Variants in TTN observed in about 807,000 individuals in gnomAD.
The protein encoded by TTN is connectin.
TTN carries 1,525 observed loss-of-function variants against 3,223.0 expected under a neutral mutation model. The ratio of observed to expected loss-of-function variants is 0.47; its 90% CI spans 0.45 to 0.49. The LOEUF (loss-of-function observed/expected upper bound fraction) is 0.49, where lower values mean the gene tolerates loss of function less well. Ranked by LOEUF, TTN falls within the 20% of genes least tolerant of loss-of-function variation. TTN has a pLI of 0.00. For synonymous variants in TTN, 14,094 were observed against 15,161.0 expected, an observed-to-expected ratio of 0.93 and a Z score of 5.17; for missense variants, 40,786 against 43,424.0, an observed-to-expected ratio of 0.94 and a Z score of 5.40.
chr2:178,709,033 A>G (rs2076271111), intron 99 of TTN, among the ~76,000 whole-genome samples: 2 of 152,146 alleles, frequency 1.3e-5, no homozygotes, highest in Admixed American at 1.3e-4. Context: ...TTTTCTACCC[A>G]TTATTTTTCT....
rs527806107 is a variant in TTN at position 178,539,734 on chromosome 2, C to T, written c.98331G>A (p.Leu32777=). The T allele has an allele frequency of 2.5e-6, 4 of 1,613,800 alleles. No homozygotes were observed. The highest frequency in any genetic ancestry group is 2.5e-6 in the Non-Finnish European group (3 of 1,179,782). The stretch of plus-strand genomic sequence containing the variant: ...CAGCCTTCTTGCCACATTTATTTTC[C>T]AGAACCAGGTCATAAGTGCCAGAAT... ...RGDSGTYDLV[L]ENKCGKKAVY... is the part of the protein sequence containing the mutation. The change falls in exon 352 of 363, where the codon CTG becomes CTA. Residue 32777 remains leucine, a synonymous_variant. Transcript: ENST00000589042.
intron 13 of TTN, among the ~76,000 whole-genome samples, chr2:178,787,048 T>C (rs2093234213): frequency 1.3e-5 from 2 of 152,178 alleles, no homozygotes; most frequent in South Asian, 4.1e-4. Flanking sequence ...AAAAATCACA[T>C]AGCCATGTTC....
intron 10 of TTN, among the ~76,000 whole-genome samples, 184 bp downstream of exon 10, chr2:178,791,888 G>A (rs543895950): frequency 6.6e-6 from 1 of 152,166 alleles, no homozygotes; most frequent in East Asian, 1.9e-4. Context: ...TCAAGTGAGT[G>A]GAAAATAGTG....
At chr2:178,794,656 T>C (rs1020983803) in intron 7 of TTN, 105 bp from the exon 8 acceptor site, 4 of 1,351,584 alleles carry the variant, frequency 3.0e-6, no homozygotes, top group African/African-American at 2.9e-5. Flanking sequence ...AATACACTCA[T>C]ACATAAGCAT....
rs794729403 is a variant in TTN, at chr2:178,702,212, C to G, written c.30467G>C (p.Arg10156Thr). The G allele has an allele frequency of 1.2e-6, 2 of 1,613,978 alleles. No individual in the cohort carries two copies. The highest frequency in any genetic ancestry group is 1.7e-6 in the Non-Finnish European group (2 of 1,179,888). The change falls in exon 108 of 363, where the codon AGA becomes ACA. Residue 10156 changes from arginine (R) to threonine (T), a missense_variant. Transcript: ENST00000589042. ...CTCTGCCGTGCTTCTTGCTTCACCTCTTGGCTCCAGCCGAGCGATGACCGA... is the reference window on the plus strand; with the variant it reads ...CTCTGCCGTGCTTCTTGCTTCACCTGTTGGCTCCAGCCGAGCGATGACCGA... ...VYSVIARLEP[R>T]GEARSTAELY...
chr2:178,601,256 A>T lies in TTN; in HGVS notation c.55732+9T>A, dbSNP rs370610904. ...AGAAGATATTTTAAATTTAGATTTTAAAGCTTACATATCGGATCTCTGGCA... is the reference window on the plus strand; with the variant it reads ...AGAAGATATTTTAAATTTAGATTTTTAAGCTTACATATCGGATCTCTGGCA... On this transcript the variant is annotated intron_variant, in intron 287 of 362. Coordinates refer to ENST00000589042, the MANE Select transcript of TTN (RefSeq NM_001267550.2). The T allele has an allele frequency of 3.3e-6, 5 of 1,527,668 alleles. No individual in the cohort carries two copies. In the South Asian group the frequency reaches 6.7e-5, roughly 20 times the overall value. 94.6% of individuals were successfully genotyped at this position (1,527,668 alleles called of 1,614,324 possible).
rs779165086 is a variant in TTN, at chr2:178,587,232, C to T, written c.63979G>A (p.Val21327Ile). ...TPEVKKTSFH[V>I]TNLVPGNEYY... is the part of the protein sequence containing the mutation. ...TCATTCCCAGGGACAAGATTGGTTA[C>T]ATGGAAGCTTGTTTTCTTAACTTCT... The change falls in exon 307 of 363, where the codon GTA becomes ATA. Residue 21327 changes from valine (V) to isoleucine (I), a missense_variant. Physicochemically the swap from Val to Ile is conservative, Grantham distance 29. Coordinates refer to ENST00000589042, the MANE Select transcript of TTN (RefSeq NM_001267550.2). The T allele has an allele frequency of 2.5e-6, 4 of 1,613,192 alleles. No homozygotes were observed. In the South Asian group the frequency reaches 4.4e-5, roughly 18 times the overall value.
chr2:178,758,831 G>T, intron 44 of TTN, 153 bp downstream of exon 44: 3 of 796,758 alleles, frequency 3.8e-6, no homozygotes, highest in East Asian at 5.3e-5. Flanking sequence ...AAGGAGAGGC[G>T]AGACCATGGC....
Position 178,609,549 on chromosome 2 carries a change from C to T in TTN, c.51761G>A (p.Arg17254Lys), listed in dbSNP as rs370986897. ...DPIDAPKVIL[R>K]TSLEVKRGDE... Reference sequence around the variant, plus strand: ...ACCTCGTTTCACTTCTAGGCTTGTTCTCAGAATGACTTTGGGGGCATCTAT... The same window carrying T: ...ACCTCGTTTCACTTCTAGGCTTGTTTTCAGAATGACTTTGGGGGCATCTAT... The change falls in exon 273 of 363, where the codon AGA becomes AAA. Residue 17254 changes from arginine (R) to lysine (K), a missense_variant. Arg to Lys is a conservative substitution (Grantham distance 26). Coordinates refer to ENST00000589042, the MANE Select transcript of TTN (RefSeq NM_001267550.2). 1 of 1,608,894 alleles carries T rather than the reference C, an allele frequency of 6.2e-7. No homozygotes were observed. Among genetic ancestry groups the T allele is most frequent in the Non-Finnish European group, 8.5e-7 (1 of 1,177,008 alleles).
intron 316 of TTN, 111 bp from the exon 317 acceptor site, chr2:178,580,720 G>A: frequency 9.1e-7 from 1 of 1,104,324 alleles, no homozygotes; most frequent in South Asian, 1.5e-5. Flanking sequence ...CTGATTTCTT[G>A]TTCTTTAAAA....
At position 178,669,416 on chromosome 2, in the gene TTN, T is replaced by G; in HGVS notation, c.35502A>C (p.Glu11834Asp). 1 of 1,524,398 alleles carries G rather than the reference T, an allele frequency of 6.6e-7. No individual in the cohort carries two copies. Among genetic ancestry groups the G allele is most frequent in the Non-Finnish European group, 8.7e-7 (1 of 1,148,292 alleles). The allele number at this position is 1,524,398 out of a possible 1,614,324, so 94.4% of individuals were successfully genotyped here. Residue 11834 changes from glutamate to aspartate, a missense_variant, in exon 159 of 363, where the codon GAA becomes GAC. By Grantham distance (45) the Glu-to-Asp change is conservative. Coordinates refer to ENST00000589042, the MANE Select transcript of TTN (RefSeq NM_001267550.2). Reference sequence around the variant, plus strand: ...CAGAAATAACAATAGGTGATTTTTCTTCTTGAACACTTTTCTTAGGCATCC... The same window carrying G: ...CAGAAATAACAATAGGTGATTTTTCGTCTTGAACACTTTTCTTAGGCATCC... ...VPGMPKKSVQ[E>D]EKSPIVISED...
Position 178,584,473 on chromosome 2 carries a change from C to T in TTN, c.65078G>A (p.Gly21693Asp). 1 of 1,613,234 alleles carries T rather than the reference C, an allele frequency of 6.2e-7. No individual in the cohort carries two copies. The highest frequency in any genetic ancestry group is 8.5e-7 in the Non-Finnish European group (1 of 1,179,530). ...TCTTTCCTTGCGTTCAATCAGATAACCAATAATGGGGCTCCCTCCATCACT... is the reference window on the plus strand; with the variant it reads ...TCTTTCCTTGCGTTCAATCAGATAATCAATAATGGGGCTCCCTCCATCACT... The part of the protein sequence containing the change: ...PDSDGGSPII[G>D]YLIERKERNS... The change falls in exon 311 of 363, where the codon GGT becomes GAT. Residue 21693 changes from glycine to aspartate, a missense_variant. Physicochemically the swap from Gly to Asp is moderately conservative, Grantham distance 94. Transcript: ENST00000589042.
At chr2:178,583,346 C>A in intron 312 of TTN, 119 bp from the exon 313 acceptor site, 8 of 1,068,456 alleles carry the variant, frequency 7.5e-6, no homozygotes, top group Non-Finnish European at 1.0e-5. Flanking sequence ...AGTGTTATTT[C>A]ATTTTGTTTA....
In TTN at chr2:178,740,591, T is replaced by C; in HGVS notation, c.12642A>G (p.Pro4214=). Residue 4214 remains proline, a synonymous_variant, in exon 48 of 363, where the codon CCA becomes CCG. Transcript: ENST00000589042. ...GCATTGGAGGTTCTATTGAAGACTG[T>C]GGATAATTCCCTTCAGGTTCAGCTA... is the stretch of plus-strand genomic sequence containing the variant. ...TLLAEPEGNY[P]QSSIEPPMHS... 6.2e-7 allele frequency: 1 copy of C among 1,613,862 alleles called. No homozygotes were observed. The highest frequency in any genetic ancestry group is 1.3e-5 in the African/African-American group (1 of 75,028).
chr2:178,665,597 G>C, intron 164 of TTN, 111 bp downstream of exon 164: 1 of 1,256,766 alleles, frequency 8.0e-7, no homozygotes, highest in Non-Finnish European at 1.1e-6. Flanking sequence ...CAATCTTGAG[G>C]AGAGGAACCA....
At position 178,568,385 on chromosome 2, in the gene TTN, A is replaced by T; in HGVS notation, c.77747T>A (p.Leu25916Ter). ...GGTGATTTGGCAGCCCCCTGTATAT[A>T]ATGGAGGGTTCCAAGATAATGTAAT... ...ESITLSWNPP[L>*]YTGGCQITNY... The change falls in exon 326 of 363, where the codon TTA becomes TAA. Residue 25916 changes from leucine (L) to a stop codon, truncating the protein, a stop_gained. Coordinates refer to ENST00000589042, the MANE Select transcript of TTN (RefSeq NM_001267550.2). LOFTEE classifies it high-confidence loss of function. The T allele has an allele frequency of 6.2e-7, 1 of 1,613,198 alleles. No individual in the cohort carries two copies. The highest frequency in any genetic ancestry group is 1.1e-5 in the South Asian group (1 of 91,064).
In TTN at chr2:178,577,054, A is replaced by G. The variant is rs1462335969; in HGVS notation, c.69281T>C (p.Ile23094Thr). Reference sequence around the variant, plus strand: ...GGTTGCCACATGCCTGCAAGACTGAATATCTTCAGAAACCACTGTCCACAA... The same window carrying G: ...GGTTGCCACATGCCTGCAAGACTGAGTATCTTCAGAAACCACTGTCCACAA... ...RLLWTVVSED[I>T]QSCRHVATKL... The change falls in exon 324 of 363, where the codon ATT (isoleucine) becomes ACT (threonine). Residue 23094 changes from isoleucine to threonine, a missense_variant. Physicochemically the swap from Ile to Thr is moderately conservative, Grantham distance 89. Transcript: ENST00000589042. The G allele has an allele frequency of 5.0e-6, 8 of 1,613,310 alleles. No individual in the cohort carries two copies. Among genetic ancestry groups the G allele is most frequent in the Admixed American group, 3.3e-5 (2 of 59,966 alleles).
Position 178,775,814 on chromosome 2 carries a change from T to A in TTN, c.6050A>T (p.Glu2017Val), listed in dbSNP as rs2092154881. ...TTCATCCTTCTTTCGAGACTTGAGC[T>A]CCACAGCGGTAATGGCTTCATAATA... ...EGYYEAITAV[E>V]LKSRKKDESY... Residue 2017 changes from glutamate (E) to valine (V), a missense_variant, in exon 28 of 363, where the codon GAG becomes GTG. Physicochemically the swap from Glu to Val is moderately radical, Grantham distance 121. Coordinates refer to ENST00000589042, the MANE Select transcript of TTN (RefSeq NM_001267550.2). 6.2e-7 allele frequency: 1 copy of A among 1,613,606 alleles called. No homozygotes were observed. The highest frequency in any genetic ancestry group is 1.7e-5 in the Admixed American group (1 of 59,900).
chr2:178,674,316 CT>C lies in TTN; in HGVS notation c.34705del (p.Arg11569GlufsTer5). 1 of 1,572,588 alleles carries C rather than the reference CT, an allele frequency of 6.4e-7. No homozygotes were observed. The highest frequency in any genetic ancestry group is 8.7e-7 in the Non-Finnish European group (1 of 1,151,616). On this transcript the variant is annotated frameshift_variant, in exon 151 of 363. Coordinates refer to ENST00000589042, the MANE Select transcript of TTN (RefSeq NM_001267550.2). LOFTEE classifies it high-confidence loss of function. ...TCAATCCTTAAAAGCGGTTATACCTCTAGGTGGTGCCACCTCTTCAACTTCC... is the reference window on the plus strand; with the variant it reads ...TCAATCCTTAAAAGCGGTTATACCTCAGGTGGTGCCACCTCTTCAACTTCC... ...IEEVEEVAPP[R>X]VPEVIKKAVP...
Sources: allele counts gnomAD v4.1 joint callset (sites outside exome capture counted in the v4.1 genomes callset), GRCh38; gene constraint gnomAD v4.1.1; transcripts MANE v1.5; gene names NCBI Gene and HGNC (gene_info 2026-07-23, HGNC 2026-07-21).